NUP98: variants seen among roughly 807,000 people sequenced by gnomAD.
NUP98 encodes the protein nucleoporin 98 and 96 precursor.
Under a neutral mutation model 191.9 loss-of-function variants are expected in NUP98, and 26 were observed. The observed-to-expected ratio is 0.14, with a 90% confidence interval of 0.10 to 0.19. The LOEUF (loss-of-function observed/expected upper bound fraction) is 0.19, where lower values mean the gene tolerates loss of function less well. Ranked by LOEUF, NUP98 falls within the 10% of genes least tolerant of loss-of-function variation. NUP98 has a pLI of 1.00. For synonymous variants in NUP98, 808 were observed against 778.4 expected (o/e 1.04, Z -0.63); for missense variants, 1,941 against 2,178.8 (o/e 0.89, Z 2.17).
chr11:3,709,927 ACTAACCTG>A (rs1240706834), intron 20 of NUP98, among the ~76,000 whole-genome samples: 1 of 149,540 alleles, frequency 6.7e-6, no homozygotes, highest in Non-Finnish European at 1.5e-5. Flanking sequence ...TACATATGTA[ACTAACCTG>A]CACACTGTGC....
chr11:3,779,551 G>A (rs2081877555), intron 2 of NUP98, among the ~76,000 whole-genome samples: 1 of 151,266 alleles, frequency 6.6e-6, no homozygotes, highest in Non-Finnish European at 1.5e-5. Context: ...TGAGGCAGGA[G>A]AACTGCTTGA....
At chr11:3,767,467 G>C (rs1321092493) in intron 8 of NUP98, among the ~76,000 whole-genome samples, 2 of 150,840 alleles carry the variant, frequency 1.3e-5, no homozygotes, top group Non-Finnish European at 2.9e-5. Flanking sequence ...AAGTAGTCAG[G>C]ATTACAGGCA....
At chr11:3,714,667 T>G (rs2079120637) in intron 18 of NUP98, 1 of 163,824 alleles carries the variant, frequency 6.1e-6, no homozygotes. Flanking sequence ...TTTTTGTGAC[T>G]GGCTTACTTC....
intron 25 of NUP98, among the ~76,000 whole-genome samples, chr11:3,698,415 G>T (rs940251438): frequency 2.0e-5 from 3 of 151,840 alleles, no homozygotes; most frequent in East Asian, 1.9e-4. Flanking sequence ...AATGTTTAAG[G>T]TCCTAAAAAA....
intron 10 of NUP98, among the ~76,000 whole-genome samples, chr11:3,755,028 A>G (rs2134456561): frequency 6.6e-6 from 1 of 151,036 alleles, no homozygotes; most frequent in Admixed American, 6.6e-5. Flanking sequence ...TTCTTCATCT[A>G]TGCCCACAGT....
chr11:3,707,752 A>AAAAAAAAAAAAAAAAAAAAAAAAAC, intron 20 of NUP98, among the ~76,000 whole-genome samples: 2 of 149,632 alleles, frequency 1.3e-5, no homozygotes, highest in Non-Finnish European at 3.0e-5. Flanking sequence ...AAAAAAAAAA[A>AAAAAAAAAAAAAAAAAAAAAAAAAC]AATCCTGAAG....
intron 2 of NUP98, chr11:3,781,414 G>C (rs2081962210): frequency 7.3e-6 from 1 of 136,730 alleles, no homozygotes; most frequent in Non-Finnish European, 1.5e-5. Flanking sequence ...AGCTCTTTTA[G>C]AATTTGTCTA....
At chr11:3,738,242 C>A (rs1236488837) in intron 12 of NUP98, among the ~76,000 whole-genome samples, 2 of 152,066 alleles carry the variant, frequency 1.3e-5, no homozygotes, top group East Asian at 3.9e-4. Flanking sequence ...GATAGATTAG[C>A]AAAAACAAGA....
chr11:3,770,227 T>C (rs2081482153), intron 7 of NUP98, among the ~76,000 whole-genome samples: 2 of 152,192 alleles, frequency 1.3e-5, no homozygotes, highest in African/African-American at 4.8e-5. Context: ...GTGCCTGTAA[T>C]CCCAACTCCT....
chr11:3,785,868 G>A (rs2082125046), intron 1 of NUP98, among the ~76,000 whole-genome samples: 1 of 149,600 alleles, frequency 6.7e-6, no homozygotes, highest in Non-Finnish European at 1.5e-5. Flanking sequence ...AAAAAAAAAA[G>A]TAATCCTAGA....
intron 18 of NUP98, among the ~76,000 whole-genome samples, chr11:3,717,035 G>A (rs1450693449): frequency 3.3e-5 from 5 of 151,996 alleles, no homozygotes; most frequent in Admixed American, 6.6e-5. Context: ...ACGTGGTCTC[G>A]CTTTGTCACA....
chr11:3,732,063 ACATCTTTTAAAATG>A (rs1386071589), intron 13 of NUP98, among the ~76,000 whole-genome samples: 29 of 152,304 alleles, frequency 1.9e-4, no homozygotes, highest in African/African-American at 6.7e-4. Context: ...TATTTGTCTG[ACATCTTTTAAAATG>A]TAATCAAGAT....
Position 3,702,449 on chromosome 11 carries a change from G to C in NUP98, c.3512+14C>G. ...TGTTGCCTTTCTCAAAAAGCATCAA[G>C]AAATGTGACTCACGGTTTAACAGCT... On this transcript the variant is annotated intron_variant, in intron 23 of 32. Coordinates refer to ENST00000324932, the MANE Select transcript of NUP98 (RefSeq NM_016320.5). 6.3e-7 allele frequency: 1 copy of C among 1,599,550 alleles called. No individual in the cohort carries two copies. Among genetic ancestry groups the C allele is most frequent in the Non-Finnish European group, 8.5e-7 (1 of 1,170,668 alleles).
intron 26 of NUP98, 89 bp from the exon 27 acceptor site, chr11:3,693,464 C>CCTGTGTGTGCAATAACACTG: frequency 7.9e-7 from 1 of 1,265,508 alleles, no homozygotes; most frequent in Non-Finnish European, 1.1e-6. Flanking sequence ...TTCACTTATT[C>CCTGTGTGTGCAATAACACTG]AAGGAACATT....
At chr11:3,733,294 C>T (rs1449715491) in intron 13 of NUP98, among the ~76,000 whole-genome samples, 3 of 152,074 alleles carry the variant, frequency 2.0e-5, no homozygotes, top group Admixed American at 2.0e-4. Context: ...TTGTGTCTGG[C>T]TCCTTTCACT....
intron 5 of NUP98, 22 bp from the exon 6 acceptor site, chr11:3,773,761 A>ATTCT: frequency 1.4e-6 from 2 of 1,455,966 alleles, no homozygotes; most frequent in Non-Finnish European, 1.9e-6. Flanking sequence ...AATAAAGGCA[A>ATTCT]ATTTGTAGGT....
rs946071705 is a variant in NUP98 at position 3,772,043 on chromosome 11, T to TAA, written c.604-117_604-116dup. The TAA allele has an allele frequency of 1.2e-5, 10 of 822,126 alleles. No individual in the cohort carries two copies. In the African/African-American group the frequency reaches 1.6e-4, roughly 13 times the overall value. 50.9% of individuals were successfully genotyped at this position (822,126 alleles called of 1,614,324 possible). The stretch of plus-strand genomic sequence containing the variant: ...TCTATGTTCACATAGGAACCATAAC[T>TAA]AAAAAAGAGAAAACTAAGGAATGAC... On this transcript the variant is annotated intron_variant, in intron 6 of 32. Transcript: ENST00000324932.
At chr11:3,726,903 C>T (rs779662554) in intron 14 of NUP98, among the ~76,000 whole-genome samples, 9 of 151,762 alleles carry the variant, frequency 5.9e-5, no homozygotes, top group Admixed American at 5.3e-4. Flanking sequence ...CTGGGACTAT[C>T]GGCATGTGCC....
At chr11:3,793,361 C>T (rs191715424) in intron 1 of NUP98, among the ~76,000 whole-genome samples, 6 of 152,174 alleles carry the variant, frequency 3.9e-5, no homozygotes, top group Admixed American at 1.3e-4. Flanking sequence ...GCAATCTGCG[C>T]TCACTGCAAC....
Sources: allele counts gnomAD v4.1 joint callset (sites outside exome capture counted in the v4.1 genomes callset), GRCh38; gene constraint gnomAD v4.1.1; transcripts MANE v1.5; gene names NCBI Gene and HGNC (gene_info 2026-07-23, HGNC 2026-07-21).